Variants in GNS observed in about 807,000 individuals in gnomAD.
GNS encodes N-acetylglucosamine-6-sulfatase.
A neutral mutation model predicts 69.7 loss-of-function variants in GNS; 40 were observed. The ratio of observed to expected loss-of-function variants is 0.57; its 90% CI spans 0.45 to 0.75. The LOEUF is 0.75. Among genes scored for constraint, GNS ranks in the 30% least tolerant of loss-of-function variants. GNS has a pLI of 0.00. For synonymous variants in GNS, 243 were observed against 251.6 expected (o/e 0.97, Z 0.32); for missense variants, 565 against 685.5 (o/e 0.82, Z 1.96).
At chr12:64,757,500 G>C (rs1870289099) in intron 1 of GNS, among the ~76,000 whole-genome samples, 2 of 152,026 alleles carry the variant, frequency 1.3e-5, no homozygotes, top group South Asian at 4.1e-4. Context: ...AAGTGTAGGA[G>C]GAAAATTAAA....
intron 10 of GNS, among the ~76,000 whole-genome samples, chr12:64,725,591 T>C (rs1869168888): frequency 6.6e-6 from 1 of 152,034 alleles, no homozygotes; most frequent in African/African-American, 2.4e-5. Flanking sequence ...AAACAAAACA[T>C]GAACAAGGAA....
At position 64,714,777 on chromosome 12, in the gene GNS, T is replaced by C. The variant is rs1218203659; in HGVS notation, c.*1964A>G. On this transcript the variant is annotated 3_prime_UTR_variant, in exon 14 of 14. Coordinates refer to ENST00000258145, the MANE Select transcript of GNS (RefSeq NM_002076.4). ...TGGAAATAACTATGGTCAACTTTCA[T>C]TAATGTGGAAGTTGACTGATAATGT... 1 of 152,424 alleles carries C rather than the reference T, an allele frequency of 6.6e-6. No individual in the cohort carries two copies. The highest frequency in any genetic ancestry group is 2.4e-5 in the African/African-American group (1 of 41,460). 9.4% of individuals were successfully genotyped at this position (152,424 alleles called of 1,614,324 possible).
chr12:64,718,662 T>C (rs1457944237), intron 13 of GNS, among the ~76,000 whole-genome samples: 1 of 152,252 alleles, frequency 6.6e-6, no homozygotes, highest in Admixed American at 6.5e-5. Flanking sequence ...CAGGGACTGT[T>C]TGGCCACACA....
chr12:64,736,892 T>C, intron 9 of GNS, 112 bp downstream of exon 9: 1 of 714,790 alleles, frequency 1.4e-6, no homozygotes, highest in East Asian at 2.5e-5. Context: ...ACTCTTCTGC[T>C]GCTCAGCCCT....
chr12:64,719,918 A>G, intron 13 of GNS, 104 bp downstream of exon 13: 1 of 802,368 alleles, frequency 1.2e-6, no homozygotes, highest in Non-Finnish European at 2.2e-6. Context: ...CCTCTAAAGC[A>G]GAAGAATCAT....
intron 9 of GNS, among the ~76,000 whole-genome samples, chr12:64,731,008 A>G (rs537148436): frequency 6.6e-6 from 1 of 152,208 alleles, no homozygotes; most frequent in Non-Finnish European, 1.5e-5. Context: ...CTCACCAAAA[A>G]TTGCAAGAGC....
At chr12:64,753,371 C>T (rs980771524) in intron 1 of GNS, among the ~76,000 whole-genome samples, 27 of 152,210 alleles carry the variant, frequency 1.8e-4, no homozygotes, top group African/African-American at 6.3e-4. Context: ...TGCTTTTCAT[C>T]TTTTGTTCAA....
chr12:64,722,922 T>C, intron 11 of GNS, 84 bp downstream of exon 11: 3 of 835,654 alleles, frequency 3.6e-6, no homozygotes, highest in Non-Finnish European at 6.4e-6. Context: ...AGATGAAAGG[T>C]TTCAATATTT....
In GNS at chr12:64,744,840, T is replaced by C. The variant is rs1869850356; in HGVS notation, c.593A>G (p.Asn198Ser). The C allele has an allele frequency of 6.4e-7, 1 of 1,557,346 alleles. No homozygotes were observed. The highest frequency in any genetic ancestry group is 8.9e-7 in the Non-Finnish European group (1 of 1,128,238). ...ATCTGTCAGGTAGTCCACACTATAG[T>C]TTTCACCATGCTTCCGTGCCTTCCC... ...INGKARKHGE[N>S]YSVDYLTDVL... is the part of the protein sequence containing the mutation. The change falls in exon 5 of 14, where the codon AAC (asparagine) becomes AGC (serine). Residue 198 changes from asparagine to serine, a missense_variant. Coordinates refer to ENST00000258145, the MANE Select transcript of GNS (RefSeq NM_002076.4).
chr12:64,726,333 A>G (rs79926582), intron 10 of GNS, among the ~76,000 whole-genome samples: 1 of 144,846 alleles, frequency 6.9e-6, no homozygotes, highest in East Asian at 2.0e-4. Flanking sequence ...ATCTATAGAG[A>G]AAAAAAAAAA....
rs73323448 is a variant in GNS, at chr12:64,723,308, C to T, written c.1201-195G>A. Among the ~76,000 whole-genome samples the T allele has an allele frequency of 0.039, 5,980 of 152,210 alleles. 394 individuals carry two copies. The highest frequency in any genetic ancestry group is 0.14 in the African/African-American group (5,669 of 41,498). ...TTTGGTAGTTAAGGGCCTTTACAAACGATGGTGAAATGCTTTGAAAATTTA... is the reference window on the plus strand; with the variant it reads ...TTTGGTAGTTAAGGGCCTTTACAAATGATGGTGAAATGCTTTGAAAATTTA... On this transcript the variant is annotated intron_variant, in intron 10 of 13. Coordinates refer to ENST00000258145, the MANE Select transcript of GNS (RefSeq NM_002076.4).
Position 64,749,033 on chromosome 12 carries a change from G to A in GNS, c.253-1115C>T, listed in dbSNP as rs182981365. ...TGGCTCACTGCAAGCTCCGCCTCCCGGGTTCACACCATTCTCTTGCCTCAG... is the reference window on the plus strand; with the variant it reads ...TGGCTCACTGCAAGCTCCGCCTCCCAGGTTCACACCATTCTCTTGCCTCAG... On this transcript the variant is annotated intron_variant, in intron 2 of 13. Coordinates refer to ENST00000258145, the MANE Select transcript of GNS (RefSeq NM_002076.4). Among the ~76,000 whole-genome samples the A allele has an allele frequency of 7.1e-3, 1,082 of 151,982 alleles. 13 individuals carry two copies. The highest frequency in any genetic ancestry group is 0.024 in the African/African-American group (1,009 of 41,428).
In GNS at chr12:64,747,876, G is replaced by C; in HGVS notation, c.295C>G (p.Leu99Val). 8.7e-6 allele frequency: 14 copies of C among 1,611,592 alleles called. No homozygotes were observed. Among genetic ancestry groups the C allele is most frequent in the Non-Finnish European group, 1.2e-5 (14 of 1,177,750 alleles). The part of the protein sequence containing the change: ...ALCCPSRASI[L>V]TGKYPHNHHV... ...TGATTATGTGGGTACTTTCCTGTCA[G>C]GATACTGGCTCTGCTGGGGCAGCAG... The change falls in exon 3 of 14, where the codon CTG (leucine) becomes GTG (valine). Residue 99 changes from leucine to valine, a missense_variant. This residue lies in a region of GNS where 181 missense variants were observed against 174.4 expected (regional missense o/e 1.04). Transcript: ENST00000258145.
intron 5 of GNS, among the ~76,000 whole-genome samples, chr12:64,744,311 G>C (rs1869834183): frequency 6.6e-6 from 1 of 152,174 alleles, no homozygotes; most frequent in Non-Finnish European, 1.5e-5. Context: ...ACTATTGAGT[G>C]AATATATAAT....
At chr12:64,755,900 C>A (rs1051639684) in intron 1 of GNS, among the ~76,000 whole-genome samples, 1 of 152,030 alleles carries the variant, frequency 6.6e-6, no homozygotes, top group Admixed American at 6.5e-5. Context: ...AACTCCTGAC[C>A]TCGTGATCTG....
At chr12:64,734,018 C>A (rs1387197938) in intron 9 of GNS, among the ~76,000 whole-genome samples, 1 of 152,202 alleles carries the variant, frequency 6.6e-6, no homozygotes, top group Non-Finnish European at 1.5e-5. Flanking sequence ...GCTCATTATG[C>A]CCAACTCACA....
intron 7 of GNS, 130 bp from the exon 8 acceptor site, chr12:64,739,629 ACC>A: frequency 9.5e-6 from 6 of 634,754 alleles, no homozygotes; most frequent in Middle Eastern, 4.2e-4. Context: ...ATCCAAAACA[ACC>A]CCCGTTTAAA....
intron 9 of GNS, among the ~76,000 whole-genome samples, chr12:64,731,410 G>A (rs1327354962): frequency 6.6e-6 from 1 of 152,144 alleles, no homozygotes; most frequent in Non-Finnish European, 1.5e-5. Flanking sequence ...GCTCTCTGGA[G>A]ATAAAGGGGT....
rs199520782 is a variant in GNS at position 64,732,168 on chromosome 12, TG to T, written c.1099-3112del. Among the ~76,000 whole-genome samples, 38 of 55,072 alleles carry T rather than the reference TG, an allele frequency of 6.9e-4. 5 individuals carry two copies. Among genetic ancestry groups the T allele is most frequent in the African/African-American group, 2.1e-3 (21 of 10,054 alleles). The allele number at this position is 55,072 out of a possible 152,430, so 36.1% of individuals were successfully genotyped here. A position where few individuals can be genotyped will look rare whatever the true frequency, so the allele number is the denominator to read the frequency against. ...CACCTGGCTAATTTTTTTTTTTTGT[TG>T]TTTTTTTTTTTTTTTTGAGACGGAG... On this transcript the variant is annotated intron_variant, in intron 9 of 13. Transcript: ENST00000258145.
Sources: allele counts gnomAD v4.1 joint callset (sites outside exome capture counted in the v4.1 genomes callset), GRCh38; gene constraint gnomAD v4.1.1; regional missense constraint gnomAD v4.1.1; transcripts MANE v1.5; gene names NCBI Gene and HGNC (gene_info 2026-07-23, HGNC 2026-07-21).